The following PLCG2 variants were observed in gnomAD, a reference collection of about 807,000 sequenced individuals.
PLCG2 encodes the protein 1-phosphatidylinositol 4,5-bisphosphate phosphodiesterase gamma-2.
A neutral mutation model predicts 175.6 loss-of-function variants in PLCG2; 69 were observed. The ratio of observed to expected loss-of-function variants is 0.39; its 90% CI spans 0.32 to 0.48. PLCG2 has a LOEUF of 0.48. Among genes scored for constraint, PLCG2 ranks in the 20% least tolerant of loss-of-function variants. The pLI is 0.91. For synonymous variants in PLCG2, 827 were observed against 624.0 expected, an observed-to-expected ratio of 1.33 and a Z score of -4.85; for missense variants, 1,798 against 1,650.9, an observed-to-expected ratio of 1.09 and a Z score of -1.54.
intron 17 of PLCG2, 99 bp downstream of exon 17, chr16:81,908,690 T>C: frequency 7.6e-6 from 8 of 1,053,538 alleles, no homozygotes; most frequent in Non-Finnish European, 1.1e-5. Context: ...TTGGGCAGGC[T>C]GGGACCTGAA....
intron 7 of PLCG2, among the ~76,000 whole-genome samples, chr16:81,874,414 G>A (rs13334984): frequency 0.021 from 3,193 of 152,290 alleles, 112 homozygotes; most frequent in African/African-American, 0.07. Flanking sequence ...ATTTAATTTA[G>A]TGACAGATTT....
At chr16:81,766,547 A>C in intron 2 of PLCG2, among the ~76,000 whole-genome samples, 1 of 151,988 alleles carries the variant, frequency 6.6e-6, no homozygotes, top group East Asian at 1.9e-4. Flanking sequence ...CTTTGTGACC[A>C]CCACACAAAA....
intron 2 of PLCG2, among the ~76,000 whole-genome samples, chr16:81,839,026 C>G (rs1360061956): frequency 6.6e-6 from 1 of 151,970 alleles, no homozygotes; most frequent in Non-Finnish European, 1.5e-5. Context: ...CAGAACCAAG[C>G]CGAGGGTTTT....
In PLCG2 at chr16:81,787,209, C is replaced by CTT. The variant is rs34340682; in HGVS notation, c.193+1036_193+1037dup. Among the ~76,000 whole-genome samples, 16 of 149,862 alleles carry CTT rather than the reference C, an allele frequency of 1.1e-4. No individual in the cohort carries two copies. The East Asian group carries it at 3.1e-3, about 29-fold the overall frequency. On this transcript the variant is annotated intron_variant, in intron 2 of 32. Coordinates refer to ENST00000564138, the MANE Select transcript of PLCG2 (RefSeq NM_002661.5). Reference sequence around the variant, plus strand: ...TATTCGAAGTGACTATCATTGTACTCTTTTTTTTTTAAAACAAAATTAATT... The same window carrying CTT: ...TATTCGAAGTGACTATCATTGTACTCTTTTTTTTTTTTAAAACAAAATTAATT...
At chr16:81,815,890 G>T (rs1422058261) in intron 2 of PLCG2, among the ~76,000 whole-genome samples, 2 of 151,702 alleles carry the variant, frequency 1.3e-5, no homozygotes, top group East Asian at 1.9e-4. Flanking sequence ...GTGAAACCCC[G>T]TTTTTTACTA....
intron 23 of PLCG2, 91 bp from the exon 24 acceptor site, chr16:81,928,467 G>A (rs996027604): frequency 3.9e-5 from 32 of 816,834 alleles, no homozygotes; most frequent in Non-Finnish European, 5.5e-5. Context: ...TCCACAGGCA[G>A]TATCTCTGCT....
rs569178677 is a variant in PLCG2 at position 81,959,026 on chromosome 16, G to A, written c.*1028G>A. On this transcript the variant is annotated 3_prime_UTR_variant, in exon 33 of 33. Transcript: ENST00000564138. ...CTACCTAGTTCATGACAGTATGTGC[G>A]GCTGGCCAGGGCTTTACACCTCTGC... 2.2e-5 allele frequency: 5 copies of A among 223,032 alleles called. No homozygotes were observed. Among genetic ancestry groups the A allele is most frequent in the East Asian group, 6.5e-5 (1 of 15,342 alleles). 13.8% of individuals were successfully genotyped at this position (223,032 alleles called of 1,614,324 possible).
chr16:81,800,759 C>T (rs1388835352), intron 2 of PLCG2, among the ~76,000 whole-genome samples: 1 of 151,968 alleles, frequency 6.6e-6, no homozygotes, highest in East Asian at 1.9e-4. Context: ...TGTCTTAATC[C>T]CTGGAGCCTG....
intron 2 of PLCG2, among the ~76,000 whole-genome samples, chr16:81,764,138 T>A (rs1910095895): frequency 6.6e-6 from 1 of 151,380 alleles, no homozygotes; most frequent in Non-Finnish European, 1.5e-5. Flanking sequence ...ATAAAAAATT[T>A]AAAAAATTAG....
In PLCG2 at chr16:81,794,739, C is replaced by A. The variant is rs146121300; in HGVS notation, c.193+8557C>A. Among the ~76,000 whole-genome samples the A allele has an allele frequency of 6.8e-3, 1,036 of 152,280 alleles. 4 individuals are homozygous for A. Among genetic ancestry groups the A allele is most frequent in the Middle Eastern group, 0.014 (4 of 294 alleles). ...TGTGCTTAAGTATTTTTTGCTCTTG[C>A]TGTCGTTGATGTCATCATTATCATC... On this transcript the variant is annotated intron_variant, in intron 2 of 32. Transcript: ENST00000564138.
chr16:81,743,363 A>C (rs774296152), intron 1 of PLCG2, among the ~76,000 whole-genome samples: 1 of 152,204 alleles, frequency 6.6e-6, no homozygotes, highest in Non-Finnish European at 1.5e-5. Context: ...AAACAAAAAC[A>C]AAACAAAAGA....
At chr16:81,785,260 G>A (rs1209466052) in intron 1 of PLCG2, among the ~76,000 whole-genome samples, 2 of 152,100 alleles carry the variant, frequency 1.3e-5, no homozygotes, top group Non-Finnish European at 2.9e-5. Context: ...CACCCCAGGT[G>A]CTTTGCTGGG....
chr16:81,894,639 G>A (rs1458065781), intron 12 of PLCG2, among the ~76,000 whole-genome samples: 2 of 152,298 alleles, frequency 1.3e-5, no homozygotes, highest in African/African-American at 4.8e-5. Flanking sequence ...GTGAGAGGTC[G>A]AGGTGGGCGG....
chr16:81,806,945 C>G (rs966698690), intron 2 of PLCG2, among the ~76,000 whole-genome samples: 12 of 152,152 alleles, frequency 7.9e-5, no homozygotes, highest in African/African-American at 2.6e-4. Context: ...CCATAGCACT[C>G]AAGCTTTTCC....
intron 2 of PLCG2, among the ~76,000 whole-genome samples, chr16:81,789,264 C>A (rs1280823547): frequency 2.0e-5 from 3 of 152,192 alleles, no homozygotes; most frequent in Non-Finnish European, 4.4e-5. Context: ...TGAGTAATAC[C>A]ATTTCACTCG....
chr16:81,958,153 G>C lies in PLCG2; in HGVS notation c.*155G>C, dbSNP rs1263691450. The C allele has an allele frequency of 1.6e-6, 1 of 617,222 alleles. No individual in the cohort carries two copies. Among genetic ancestry groups the C allele is most frequent in the African/African-American group, 1.8e-5 (1 of 54,236 alleles). 38.2% of individuals were successfully genotyped at this position (617,222 alleles called of 1,614,324 possible). ...ACATTTCTTAAGACCCAACTGGCAT[G>C]AGTTGGGGTAATTTCCTATTATTTT... On this transcript the variant is annotated 3_prime_UTR_variant, in exon 33 of 33. Transcript: ENST00000564138.
At position 81,935,502 on chromosome 16, in the gene PLCG2, G is replaced by C. The variant is rs531397191; in HGVS notation, c.2843-667G>C. On this transcript the variant is annotated intron_variant, in intron 26 of 32. Coordinates refer to ENST00000564138, the MANE Select transcript of PLCG2 (RefSeq NM_002661.5). ...GATGCTGTACGTATTTTTTTCTTTG[G>C]GTGTTTTGAGCTGCTTCCATATCTT... The C allele has an allele frequency of 9.1e-6, 9 of 984,530 alleles. No homozygotes were observed. In the South Asian group the frequency reaches 2.8e-4, roughly 31 times the overall value. The allele number at this position is 984,530 out of a possible 1,614,324, so 61.0% of individuals were successfully genotyped here.
At chr16:81,890,101 C>T (rs777843960) in intron 10 of PLCG2, among the ~76,000 whole-genome samples, 13 of 152,006 alleles carry the variant, frequency 8.6e-5, no homozygotes, top group South Asian at 4.2e-4. Flanking sequence ...TAGAGCCATG[C>T]GAACGCCCGA....
intron 2 of PLCG2, among the ~76,000 whole-genome samples, chr16:81,839,926 C>T (rs749734832): frequency 5.9e-5 from 9 of 152,268 alleles, no homozygotes; most frequent in Admixed American, 1.3e-4. Context: ...TGGTGCATGC[C>T]TGTAGTCCCA....
Sources: allele counts gnomAD v4.1 joint callset (sites outside exome capture counted in the v4.1 genomes callset), GRCh38; gene constraint gnomAD v4.1.1; transcripts MANE v1.5; gene names NCBI Gene and HGNC (gene_info 2026-07-23, HGNC 2026-07-21).